BAIAP2L1: variants seen among roughly 807,000 people sequenced by gnomAD.
BAIAP2L1 encodes BAR/IMD domain containing adaptor protein 2 like 1.
In BAIAP2L1, 35 loss-of-function variants were observed where a neutral mutation model predicts 66.3. The ratio of observed to expected loss-of-function variants is 0.53; its 90% CI spans 0.40 to 0.70. The LOEUF is 0.70. Ranked by LOEUF, BAIAP2L1 falls within the 30% of genes least tolerant of loss-of-function variation. The probability of loss-of-function intolerance (pLI) is 0.00; values close to 1 mark genes in which losing one functional copy is unlikely to be tolerated. For synonymous variants in BAIAP2L1, 269 were observed against 248.7 expected (o/e 1.08, Z -0.77); for missense variants, 622 against 656.9 (o/e 0.95, Z 0.58).
At chr7:98,313,549 A>C (rs1334857705) in intron 7 of BAIAP2L1, among the ~76,000 whole-genome samples, 2 of 152,168 alleles carry the variant, frequency 1.3e-5, no homozygotes, top group Non-Finnish European at 1.5e-5. Flanking sequence ...TACATTCCCG[A>C]AACTAGTACA....
At chr7:98,382,123 C>T (rs891456768) in intron 1 of BAIAP2L1, among the ~76,000 whole-genome samples, 17 of 151,958 alleles carry the variant, frequency 1.1e-4, no homozygotes, top group Admixed American at 9.8e-4. Flanking sequence ...GGAGTTTCAC[C>T]GTGTTAGTCA....
chr7:98,316,151 C>T (rs1486473323), intron 6 of BAIAP2L1, among the ~76,000 whole-genome samples: 1 of 152,124 alleles, frequency 6.6e-6, no homozygotes, highest in Admixed American at 6.6e-5. Flanking sequence ...AAGGGAGTTT[C>T]CCTGCACAAG....
intron 12 of BAIAP2L1, among the ~76,000 whole-genome samples, chr7:98,301,805 C>T (rs1188466192): frequency 6.6e-6 from 1 of 152,222 alleles, no homozygotes; most frequent in Middle Eastern, 3.4e-3. Context: ...GTGGAGGGGA[C>T]AGCCTGAAGC....
chr7:98,304,052 G>A, intron 12 of BAIAP2L1, 144 bp downstream of exon 12: 2 of 803,268 alleles, frequency 2.5e-6, no homozygotes, highest in Non-Finnish European at 3.6e-6. Context: ...ATCAAAGGCA[G>A]CAAGTCCCCT....
intron 3 of BAIAP2L1, among the ~76,000 whole-genome samples, chr7:98,328,195 G>A (rs1452531183): frequency 6.6e-6 from 1 of 152,158 alleles, no homozygotes; most frequent in African/African-American, 2.4e-5. Flanking sequence ...AAGAGCTCAT[G>A]AGGAAGATGG....
intron 13 of BAIAP2L1, 38 bp downstream of exon 13, chr7:98,294,036 T>G (rs538027916): frequency 6.2e-7 from 1 of 1,608,424 alleles, no homozygotes; most frequent in South Asian, 1.1e-5. Context: ...GGAAGAGCAA[T>G]GTCACACACT....
rs892866226 is a variant in BAIAP2L1, at chr7:98,400,917, G to A, written c.-65C>T. 190 of 1,449,568 alleles carry A rather than the reference G, an allele frequency of 1.3e-4. No homozygotes were observed. The highest frequency in any genetic ancestry group is 6.8e-4 in the Middle Eastern group (3 of 4,384). 89.8% of individuals were successfully genotyped at this position (1,449,568 alleles called of 1,614,324 possible). On this transcript the variant is annotated 5_prime_UTR_variant, in exon 1 of 14. Coordinates refer to ENST00000005260, the MANE Select transcript of BAIAP2L1 (RefSeq NM_018842.5). ...CTGGGCCTCGTGGCCGCCGGACTCCGGGCAGCGGGAGGGCCGGGGCGCGAC... is the reference window on the plus strand; with the variant it reads ...CTGGGCCTCGTGGCCGCCGGACTCCAGGCAGCGGGAGGGCCGGGGCGCGAC...
chr7:98,353,917 G>A (rs544396658), intron 3 of BAIAP2L1, among the ~76,000 whole-genome samples: 65 of 150,456 alleles, frequency 4.3e-4, no homozygotes, highest in Admixed American at 9.3e-4. Context: ...AGCCGAGATC[G>A]TGCCACTGCA....
At chr7:98,304,813 C>T (rs1029841279) in intron 11 of BAIAP2L1, among the ~76,000 whole-genome samples, 7 of 151,678 alleles carry the variant, frequency 4.6e-5, no homozygotes, top group African/African-American at 1.7e-4. Flanking sequence ...CCACCACACC[C>T]GGCCTAAAAC....
At chr7:98,349,772 G>C (rs1027633648) in intron 3 of BAIAP2L1, among the ~76,000 whole-genome samples, 1 of 152,078 alleles carries the variant, frequency 6.6e-6, no homozygotes, top group East Asian at 1.9e-4. Context: ...CACTTTGGGA[G>C]GCCGATGGGA....
chr7:98,331,508 G>A (rs922077035), intron 3 of BAIAP2L1, among the ~76,000 whole-genome samples: 32 of 125,500 alleles, frequency 2.5e-4, no homozygotes, highest in African/African-American at 5.1e-4. Context: ...CACTCTTGTC[G>A]TCCAGGCTGG....
intron 3 of BAIAP2L1, among the ~76,000 whole-genome samples, chr7:98,326,539 G>C (rs2115565421): frequency 6.6e-6 from 1 of 152,292 alleles, no homozygotes. Flanking sequence ...TGGCCATGTA[G>C]AAGCTCATAC....
intron 12 of BAIAP2L1, among the ~76,000 whole-genome samples, chr7:98,294,385 T>C (rs1800099521): frequency 6.6e-6 from 1 of 152,190 alleles, no homozygotes; most frequent in South Asian, 2.1e-4. Context: ...TTAGACTGTC[T>C]AAATTCACTT....
intron 12 of BAIAP2L1, among the ~76,000 whole-genome samples, chr7:98,300,543 C>T (rs1235172116): frequency 6.6e-6 from 1 of 152,216 alleles, no homozygotes; most frequent in Non-Finnish European, 1.5e-5. Context: ...AAGCTGCTGG[C>T]TGAGATTTCA....
intron 12 of BAIAP2L1, among the ~76,000 whole-genome samples, chr7:98,300,101 C>T (rs565223569): frequency 3.3e-5 from 5 of 152,296 alleles, no homozygotes; most frequent in East Asian, 1.9e-4. Flanking sequence ...TTGCACCATC[C>T]GTTTTTCAAG....
Position 98,361,366 on chromosome 7 carries a change from AAAAGAAAG to A in BAIAP2L1, c.127+983_127+990del, listed in dbSNP as rs71515214. ...AGCAAGACTCTGTCTGGGAAAAAAAAAAAGAAAGAAAGAAAGAAAGAAGAGATAAGAAG... is the reference window on the plus strand; with the variant it reads ...AGCAAGACTCTGTCTGGGAAAAAAAAAAAGAAAGAAAGAAGAGATAAGAAG... On this transcript the variant is annotated intron_variant, in intron 2 of 13. Transcript: ENST00000005260. Among the ~76,000 whole-genome samples the A allele has an allele frequency of 1.8e-3, 275 of 151,630 alleles. 1 individual carries two copies. Among genetic ancestry groups the A allele is most frequent in the African/African-American group, 6.4e-3 (265 of 41,216 alleles).
Position 98,352,930 on chromosome 7 carries a change from T to A in BAIAP2L1, c.214+2112A>T, listed in dbSNP as rs188820111. On this transcript the variant is annotated intron_variant, in intron 3 of 13. Transcript: ENST00000005260. ...TATGTTTTAATGTAAGGGTCACACA[T>A]GTTTTCTTTCTGATGCATGACACCA... 4.6e-5 allele frequency among the ~76,000 whole-genome samples: 7 copies of A among 152,290 alleles called. 1 individual carries two copies. The East Asian group carries it at 1.4e-3, about 29-fold the overall frequency.
At chr7:98,338,282 C>T (rs1000701476) in intron 3 of BAIAP2L1, among the ~76,000 whole-genome samples, 1 of 152,028 alleles carries the variant, frequency 6.6e-6, no homozygotes, top group Non-Finnish European at 1.5e-5. Context: ...ATTAGCCGGG[C>T]GCGGTGGCGG....
At position 98,401,071 on chromosome 7, in the gene BAIAP2L1, G is replaced by A. The variant is rs1803361261; in HGVS notation, c.-219C>T. 5.2e-6 allele frequency: 2 copies of A among 381,186 alleles called. No individual in the cohort carries two copies. The highest frequency in any genetic ancestry group is 9.3e-5 in the South Asian group (1 of 10,768). The allele number at this position is 381,186 out of a possible 1,614,324, so 23.6% of individuals were successfully genotyped here. Reference sequence around the variant, plus strand: ...GCCTTCTTCGAGGAGCAGAGGAGAAGCGGCCGGACGCCGCCAGAGGAAGCT... The same window carrying A: ...GCCTTCTTCGAGGAGCAGAGGAGAAACGGCCGGACGCCGCCAGAGGAAGCT... On this transcript the variant is annotated 5_prime_UTR_variant, in exon 1 of 14. Coordinates refer to ENST00000005260, the MANE Select transcript of BAIAP2L1 (RefSeq NM_018842.5).
Sources: gnomAD v4.1 joint callset for allele counts (sites outside exome capture counted in the v4.1 genomes callset) on GRCh38, gnomAD v4.1.1 for gene constraint, MANE v1.5 for transcripts, NCBI Gene and HGNC (gene_info 2026-07-23, HGNC 2026-07-21) for gene names.